The following TPTE2 variants were observed in gnomAD, a reference collection of about 807,000 sequenced individuals.
TPTE2 encodes transmembrane phosphoinositide 3-phosphatase and tensin homolog 2.
In TPTE2, 53 loss-of-function variants were observed where a neutral mutation model predicts 78.6. The observed-to-expected ratio is 0.67, with a 90% CI of 0.54 to 0.85. The LOEUF (loss-of-function observed/expected upper bound fraction) is 0.85. TPTE2 is among the 40% of genes least tolerant of loss of function. The pLI, the probability that TPTE2 is intolerant of heterozygous loss-of-function variation, is 0.00. For synonymous variants in TPTE2, 175 were observed against 206.2 expected, an observed-to-expected ratio of 0.85 and a Z score of 1.30; for missense variants, 461 against 623.0, an observed-to-expected ratio of 0.74 and a Z score of 2.77.
Position 19,443,779 on chromosome 13 carries a change from C to CACACACACACACAG in TPTE2, c.974-5627_974-5626insCTGTGTGTGTGTGT, listed in dbSNP as rs34742234. Among the ~76,000 whole-genome samples the CACACACACACACAG allele has an allele frequency of 1.8e-4, 27 of 146,384 alleles. 1 individual carries two copies. In the South Asian group the frequency reaches 3.3e-3, roughly 18 times the overall value. On this transcript the variant is annotated intron_variant, in intron 13 of 19. Coordinates refer to ENST00000400230, the Ensembl canonical transcript of TPTE2. ...ACACACACACACACACACACACACACAGTCGTTAAGCAATTGGAGAGATGT... is the reference window on the plus strand; with the variant it reads ...ACACACACACACACACACACACACACACACACACACACAGAGTCGTTAAGCAATTGGAGAGATGT...
chr13:19,534,942 C>T (rs550681055), intron 1 of TPTE2, among the ~76,000 whole-genome samples: 2 of 152,124 alleles, frequency 1.3e-5, no homozygotes, highest in African/African-American at 2.4e-5. Context: ...GTGGCTCATG[C>T]CTGCAATCTC....
At chr13:19,459,041 T>C (rs946454223) in intron 10 of TPTE2, among the ~76,000 whole-genome samples, 18 of 152,172 alleles carry the variant, frequency 1.2e-4, no homozygotes, top group African/African-American at 4.3e-4. Flanking sequence ...CCACCAACAG[T>C]GTAAAAGCAT....
At position 19,448,565 on chromosome 13, in the gene TPTE2, C is replaced by A. The variant is rs531137740; in HGVS notation, c.973+1511G>T. Among the ~76,000 whole-genome samples the A allele has an allele frequency of 2.0e-5, 3 of 152,230 alleles. No individual in the cohort carries two copies. The East Asian group carries it at 5.8e-4, about 29-fold the overall frequency. On this transcript the variant is annotated intron_variant, in intron 13 of 19. Transcript: ENST00000400230. ...AATGGCCAAGAGGTATAATGAGAAACTGCTAAACATCATTAATCATCAGGG... is the reference window on the plus strand; with the variant it reads ...AATGGCCAAGAGGTATAATGAGAAAATGCTAAACATCATTAATCATCAGGG...
intron 15 of TPTE2, among the ~76,000 whole-genome samples, chr13:19,435,296 A>G (rs1445479406): frequency 6.6e-6 from 1 of 152,226 alleles, no homozygotes; most frequent in Non-Finnish European, 1.5e-5. Flanking sequence ...AGATATGATA[A>G]AAAGTGTTAA....
chr13:19,496,464 GT>G (rs1293297368), intron 1 of TPTE2, among the ~76,000 whole-genome samples: 2 of 152,104 alleles, frequency 1.3e-5, no homozygotes, highest in African/African-American at 4.8e-5. Flanking sequence ...TCTCCATCAC[GT>G]CTTTCCTTTC....
At chr13:19,499,037 C>G (rs974000601) in intron 1 of TPTE2, among the ~76,000 whole-genome samples, 2 of 151,828 alleles carry the variant, frequency 1.3e-5, no homozygotes, top group African/African-American at 2.4e-5. Flanking sequence ...CAACAAAGAT[C>G]AAAAGAGACA....
intron 1 of TPTE2, among the ~76,000 whole-genome samples, chr13:19,536,142 A>G (rs1459065394): frequency 6.6e-6 from 1 of 151,842 alleles, no homozygotes; most frequent in Non-Finnish European, 1.5e-5. Context: ...ATTCTAGATA[A>G]CATGCTCTTT....
intron 11 of TPTE2, 26 bp downstream of exon 14, chr13:19,451,139 A>G (rs372100413): frequency 6.2e-7 from 1 of 1,609,486 alleles, no homozygotes; most frequent in Non-Finnish European, 8.5e-7. Flanking sequence ...TACCTACAGT[A>G]GCAAAATATA....
At chr13:19,464,863 A>C (rs1390613549) in intron 9 of TPTE2, among the ~76,000 whole-genome samples, 1 of 151,996 alleles carries the variant, frequency 6.6e-6, no homozygotes, top group East Asian at 1.9e-4. Flanking sequence ...GACGGTGGGA[A>C]CTCCCAAGGT....
At chr13:19,530,440 CTG>C (rs1321836251) in intron 1 of TPTE2, among the ~76,000 whole-genome samples, 1 of 152,196 alleles carries the variant, frequency 6.6e-6, no homozygotes, top group Non-Finnish European at 1.5e-5. Context: ...GCTTTGCTAA[CTG>C]TGCATTTTTT....
At chr13:19,458,328 T>TACATGAG in intron 10 of TPTE2, 1 of 233,184 alleles carries the variant, frequency 4.3e-6, no homozygotes, top group Non-Finnish European at 8.9e-6. Flanking sequence ...AGATCTATTA[T>TACATGAG]ATCATAGGAC....
chr13:19,495,665 T>C (rs903370647), intron 1 of TPTE2, among the ~76,000 whole-genome samples: 6 of 152,206 alleles, frequency 3.9e-5, no homozygotes, highest in Admixed American at 1.3e-4. Context: ...TGTATATGCA[T>C]AGATACATGT....
At chr13:19,554,191 C>T in the TPTE2 span, among the ~76,000 whole-genome samples, 7 of 151,536 alleles carry the variant, frequency 4.6e-5, no homozygotes, top group South Asian at 2.1e-4. Flanking sequence ...CTGGCTAACA[C>T]GGTGAAAACC....
At chr13:19,554,702 C>G in the TPTE2 span, among the ~76,000 whole-genome samples, 10 of 152,160 alleles carry the variant, frequency 6.6e-5, no homozygotes, top group Non-Finnish European at 1.5e-4. Flanking sequence ...TCACTCTTGC[C>G]AAGCCCACTA....
intron 1 of TPTE2, among the ~76,000 whole-genome samples, chr13:19,526,648 G>A (rs182078357): frequency 2.0e-5 from 3 of 152,036 alleles, no homozygotes; most frequent in African/African-American, 7.2e-5. Flanking sequence ...AAAACAATCT[G>A]TGCATCAAAC....
At chr13:19,451,843 G>GTGTGTATA (rs1555249617) in intron 10 of TPTE2, among the ~76,000 whole-genome samples, 17 of 147,134 alleles carry the variant, frequency 1.2e-4, no homozygotes, top group East Asian at 1.0e-3. Context: ...GTGTGTGTGT[G>GTGTGTATA]TATATATGTA....
chr13:19,517,382 C>T (rs2137710541), intron 1 of TPTE2, among the ~76,000 whole-genome samples: 1 of 152,202 alleles, frequency 6.6e-6, no homozygotes, highest in South Asian at 2.1e-4. Context: ...AAGGTTATTG[C>T]TATTTGGCCT....
intron 9 of TPTE2, 103 bp from the exon 13 acceptor site, chr13:19,464,623 A>C (rs1879149247): frequency 7.6e-7 from 1 of 1,309,050 alleles, no homozygotes; most frequent in Non-Finnish European, 1.1e-6. Flanking sequence ...ACAGAAAAAA[A>C]ACTTTTAAAA....
rs571261946 is a variant in TPTE2 at position 19,462,653 on chromosome 13, G to A, written c.741+1803C>T. Among the ~76,000 whole-genome samples the A allele has an allele frequency of 9.4e-4, 142 of 150,322 alleles. 1 individual carries two copies. Among genetic ancestry groups the A allele is most frequent in the Middle Eastern group, 3.5e-3 (1 of 288 alleles). On this transcript the variant is annotated intron_variant, in intron 10 of 19. Transcript: ENST00000400230. ...CACCTCCTGGGTTTAAGCAATTCTC[G>A]TGATTTAGCCTCCCAAGTAACTGGA... is the stretch of plus-strand genomic sequence containing the variant.
Sources: allele counts gnomAD v4.1 joint callset (sites outside exome capture counted in the v4.1 genomes callset), GRCh38; gene constraint gnomAD v4.1.1; transcripts MANE v1.5; gene names NCBI Gene and HGNC (gene_info 2026-07-23, HGNC 2026-07-21).